DPYSL3: variants seen among roughly 807,000 people sequenced by gnomAD.
DPYSL3 encodes dihydropyrimidinase like 3.
Under a neutral mutation model 66.1 loss-of-function variants are expected in DPYSL3, and 16 were observed. That is an observed-to-expected ratio of 0.24 (90% CI 0.16 to 0.37). The LOEUF (loss-of-function observed/expected upper bound fraction) is 0.37. DPYSL3 is among the 10% of genes least tolerant of loss of function. DPYSL3 has a pLI of 1.00. For missense variants in DPYSL3, 738 were observed against 916.2 expected, an observed-to-expected ratio of 0.81 and a Z score of 2.51; for synonymous variants, 338 against 345.1, an observed-to-expected ratio of 0.98 and a Z score of 0.23.
chr5:147,495,980 G>A (rs1228225891), intron 1 of DPYSL3, among the ~76,000 whole-genome samples: 2 of 152,272 alleles, frequency 1.3e-5, no homozygotes, highest in Admixed American at 1.3e-4. Flanking sequence ...GAGGCATCAT[G>A]CTACCTGACT....
At chr5:147,445,655 C>T (rs1225519825) in intron 1 of DPYSL3, among the ~76,000 whole-genome samples, 1 of 152,090 alleles carries the variant, frequency 6.6e-6, no homozygotes, top group African/African-American at 2.4e-5. Context: ...TGGCAGCCAT[C>T]ATATTTAAAA....
At chr5:147,455,110 C>T (rs1752822924) in intron 1 of DPYSL3, among the ~76,000 whole-genome samples, 2 of 152,162 alleles carry the variant, frequency 1.3e-5, no homozygotes, top group Admixed American at 1.3e-4. Context: ...TAAGGCAGCC[C>T]ACTGATGGCA....
At chr5:147,418,410 T>G (rs753851387) in intron 3 of DPYSL3, 37 bp downstream of exon 3, 63 of 1,543,612 alleles carry the variant, frequency 4.1e-5, no homozygotes, top group Non-Finnish European at 5.5e-5. Context: ...AACACACACT[T>G]CTGAGAAACA....
chr5:147,428,951 C>T (rs1752254809), intron 1 of DPYSL3, among the ~76,000 whole-genome samples: 1 of 152,076 alleles, frequency 6.6e-6, no homozygotes, highest in Non-Finnish European at 1.5e-5. Flanking sequence ...ACATGTATCC[C>T]AGAACTTAAA....
intron 1 of DPYSL3, chr5:147,453,518 G>A (rs1752780602): frequency 1.3e-6 from 2 of 1,521,442 alleles, no homozygotes; most frequent in African/African-American, 1.4e-5. Flanking sequence ...GAGCGAGCGA[G>A]GAGGGAGGGA....
At chr5:147,478,263 C>T (rs1322111864) in intron 1 of DPYSL3, among the ~76,000 whole-genome samples, 1 of 152,196 alleles carries the variant, frequency 6.6e-6, no homozygotes, top group African/African-American at 2.4e-5. Flanking sequence ...TCAGCTAGAA[C>T]TTGCATTCAG....
chr5:147,410,097 A>C (rs1376522929), intron 6 of DPYSL3, among the ~76,000 whole-genome samples: 1 of 152,094 alleles, frequency 6.6e-6, no homozygotes, highest in Non-Finnish European at 1.5e-5. Context: ...AACTGAATTA[A>C]ATTTCTTCTA....
intron 1 of DPYSL3, among the ~76,000 whole-genome samples, chr5:147,459,980 G>T (rs1218378581): frequency 1.3e-5 from 2 of 152,232 alleles, no homozygotes; most frequent in East Asian, 3.9e-4. Flanking sequence ...TGTGGTGGTG[G>T]GCGCCTGTTA....
intron 1 of DPYSL3, among the ~76,000 whole-genome samples, chr5:147,485,641 G>T (rs374179762): frequency 2.0e-5 from 3 of 152,008 alleles, no homozygotes; most frequent in Admixed American, 6.6e-5. Flanking sequence ...CATCAAATAC[G>T]CTGAGCACAA....
intron 1 of DPYSL3, chr5:147,453,983 CTTTT>C (rs77634681): frequency 1.2e-5 from 2 of 164,164 alleles, no homozygotes; most frequent in Non-Finnish European, 1.3e-5. Context: ...CTTTTTCTTT[CTTTT>C]TTTTTTTTTT....
chr5:147,468,834 G>A (rs1753045064), intron 1 of DPYSL3, among the ~76,000 whole-genome samples: 1 of 152,120 alleles, frequency 6.6e-6, no homozygotes, highest in African/African-American at 2.4e-5. Flanking sequence ...ATTACCTAAT[G>A]TAAATAATGA....
At chr5:147,468,750 G>C (rs567671065) in intron 1 of DPYSL3, among the ~76,000 whole-genome samples, 3 of 151,738 alleles carry the variant, frequency 2.0e-5, no homozygotes, top group Non-Finnish European at 4.4e-5. Context: ...TATACTTTAA[G>C]TTCTGGGGTA....
At chr5:147,394,237 G>T in intron 13 of DPYSL3, 114 bp from the exon 14 acceptor site, 2 of 1,048,562 alleles carry the variant, frequency 1.9e-6, no homozygotes, top group Non-Finnish European at 1.4e-6. Flanking sequence ...GAAGTGCCTT[G>T]CTGGCCTCAC....
intron 1 of DPYSL3, chr5:147,454,231 T>C (rs1561794641): frequency 2.0e-5 from 3 of 152,148 alleles, no homozygotes; most frequent in Admixed American, 6.5e-5. Flanking sequence ...GCACCCGCTC[T>C]CCTCTGCCAT....
rs577106732 is a variant in DPYSL3, at chr5:147,497,069, C to T, written c.381+12409G>A. On this transcript the variant is annotated intron_variant, in intron 1 of 13. Coordinates refer to ENST00000343218, the MANE Select transcript of DPYSL3 (RefSeq NM_001197294.2). ...TATACACCACGGAATACTATGCAGCCATAAAAAATGATGAGTTCATGTCCT... is the reference window on the plus strand; with the variant it reads ...TATACACCACGGAATACTATGCAGCTATAAAAAATGATGAGTTCATGTCCT... Among the ~76,000 whole-genome samples, 48 of 152,176 alleles carry T rather than the reference C, an allele frequency of 3.2e-4. No homozygotes were observed. The South Asian group carries it at 9.1e-3, about 29-fold the overall frequency.
intron 1 of DPYSL3, among the ~76,000 whole-genome samples, chr5:147,494,864 G>A (rs2126451690): frequency 7.0e-6 from 1 of 142,466 alleles, no homozygotes; most frequent in African/African-American, 2.6e-5. Flanking sequence ...GGGTGACAGA[G>A]CAAGACTCCA....
chr5:147,420,538 A>C (rs1034815550), intron 2 of DPYSL3, among the ~76,000 whole-genome samples: 6 of 152,196 alleles, frequency 3.9e-5, no homozygotes, highest in Non-Finnish European at 7.3e-5. Flanking sequence ...TGAGTACCAT[A>C]CCGTGTGACA....
intron 6 of DPYSL3, 59 bp from the exon 7 acceptor site, chr5:147,408,855 C>T (rs940981039): frequency 2.8e-5 from 42 of 1,526,052 alleles, no homozygotes; most frequent in South Asian, 1.7e-4. Context: ...GGAAAAATTA[C>T]GCTGGTATGT....
intron 1 of DPYSL3, among the ~76,000 whole-genome samples, chr5:147,490,826 G>C (rs544360187): frequency 6.6e-6 from 1 of 152,098 alleles, no homozygotes; most frequent in Admixed American, 6.5e-5. Context: ...CTGGATGCTA[G>C]ATACAGACAA....
Sources: gnomAD v4.1 joint callset for allele counts (sites outside exome capture counted in the v4.1 genomes callset) on GRCh38, gnomAD v4.1.1 for gene constraint, MANE v1.5 for transcripts, NCBI Gene and HGNC (gene_info 2026-07-23, HGNC 2026-07-21) for gene names.